TMC1: variants seen among roughly 807,000 people sequenced by gnomAD.
The protein encoded by TMC1 is transmembrane channel-like protein 1.
In TMC1, 84 loss-of-function variants were observed where a neutral mutation model predicts 105.8. The observed-to-expected ratio is 0.79, with a 90% CI of 0.67 to 0.95. The LOEUF is 0.95. Among genes scored for constraint, TMC1 ranks in the 40% least tolerant of loss-of-function variants. TMC1 has a pLI of 0.00. For missense variants in TMC1, 817 were observed against 914.1 expected, an observed-to-expected ratio of 0.89 and a Z score of 1.37; for synonymous variants, 315 against 311.5, an observed-to-expected ratio of 1.01 and a Z score of -0.12.
At chr9:72,570,676 C>CTT (rs529953890) in intron 1 of TMC1, among the ~76,000 whole-genome samples, 876 of 75,666 alleles carry the variant, frequency 0.012, 105 homozygotes, top group Admixed American at 0.025. Flanking sequence ...GCCAAATTTC[C>CTT]TTTTTTTTTT....
chr9:72,800,868 T>C lies in TMC1; in HGVS notation c.1567-4514T>C, dbSNP rs73647823. Among the ~76,000 whole-genome samples the C allele has an allele frequency of 3.6e-3, 543 of 152,208 alleles. 2 individuals carry two copies. Among genetic ancestry groups the C allele is most frequent in the African/African-American group, 0.012 (512 of 41,544 alleles). ...AATCTCTGGGAACAAAAAGAACATA[T>C]AGGACATAACAAATCTGAGTGCTGG... On this transcript the variant is annotated intron_variant, in intron 17 of 23. Coordinates refer to ENST00000297784, the MANE Select transcript of TMC1 (RefSeq NM_138691.3).
chr9:72,794,052 AG>A (rs1452910997), intron 17 of TMC1, among the ~76,000 whole-genome samples: 1 of 152,134 alleles, frequency 6.6e-6, no homozygotes, highest in South Asian at 2.1e-4. Context: ...AGAGAAGGCC[AG>A]TCTGTCTCTC....
chr9:72,678,225 G>A (rs77865716), intron 5 of TMC1, among the ~76,000 whole-genome samples: 4,665 of 152,142 alleles, frequency 0.031, 91 homozygotes, highest in Non-Finnish European at 0.048. Context: ...CATTTGACCC[G>A]TGTCTATTCA....
At chr9:72,528,800 T>A (rs966513268) in intron 1 of TMC1, among the ~76,000 whole-genome samples, 9 of 152,308 alleles carry the variant, frequency 5.9e-5, no homozygotes, top group Admixed American at 3.9e-4. Context: ...TGGTTGGGCT[T>A]GCAGACTGAC....
intron 18 of TMC1, among the ~76,000 whole-genome samples, chr9:72,811,433 G>A (rs904479154): frequency 1.3e-5 from 2 of 152,136 alleles, no homozygotes; most frequent in African/African-American, 4.8e-5. Context: ...TTCATGAGGA[G>A]TAGAATAGTT....
intron 23 of TMC1, 97 bp downstream of exon 23, chr9:72,830,779 T>A (rs1287324905): frequency 7.6e-6 from 8 of 1,051,284 alleles, no homozygotes; most frequent in Non-Finnish European, 1.1e-5. Context: ...GGATGGTGAG[T>A]GGCATTATTG....
chr9:72,745,614 A>G (rs565372496), intron 10 of TMC1, among the ~76,000 whole-genome samples: 2 of 152,284 alleles, frequency 1.3e-5, no homozygotes, highest in East Asian at 3.9e-4. Flanking sequence ...CTATAGTATT[A>G]GTTGAAAAAA....
chr9:72,784,644 G>A (rs1344913014), intron 13 of TMC1, among the ~76,000 whole-genome samples: 3 of 152,186 alleles, frequency 2.0e-5, no homozygotes, highest in Non-Finnish European at 4.4e-5. Context: ...GTACTCATAT[G>A]TTCACCACAG....
chr9:72,565,358 GA>G (rs145275143), intron 1 of TMC1, among the ~76,000 whole-genome samples: 5,541 of 152,262 alleles, frequency 0.036, 131 homozygotes, highest in Middle Eastern at 0.088. Context: ...AAGTAATTAT[GA>G]AGAGGTGTTT....
intron 1 of TMC1, among the ~76,000 whole-genome samples, chr9:72,537,068 C>A (rs1210046406): frequency 6.6e-6 from 1 of 152,228 alleles, no homozygotes; most frequent in Non-Finnish European, 1.5e-5. Context: ...TTACCACTTA[C>A]ACCCACCTAA....
chr9:72,527,137 A>G (rs1170690984), intron 1 of TMC1, among the ~76,000 whole-genome samples: 3 of 152,200 alleles, frequency 2.0e-5, no homozygotes, highest in East Asian at 3.8e-4. Context: ...TGAGCCCTCT[A>G]AAAGGCAGGG....
intron 2 of TMC1, among the ~76,000 whole-genome samples, chr9:72,579,418 C>CA (rs1002832738): frequency 6.6e-6 from 1 of 152,116 alleles, no homozygotes; most frequent in South Asian, 2.1e-4. Context: ...ACCCAGGCTC[C>CA]AAGCAAGCCT....
At chr9:72,802,250 C>T (rs907789057) in intron 17 of TMC1, among the ~76,000 whole-genome samples, 1 of 141,716 alleles carries the variant, frequency 7.1e-6, no homozygotes, top group African/African-American at 2.9e-5. Flanking sequence ...TACATACATA[C>T]ATATATACAT....
intron 1 of TMC1, among the ~76,000 whole-genome samples, chr9:72,526,879 G>A (rs1326859052): frequency 6.6e-6 from 1 of 152,222 alleles, no homozygotes. Context: ...TCCTTCCAGA[G>A]TTGTGCACAC....
intron 10 of TMC1, among the ~76,000 whole-genome samples, chr9:72,745,043 C>T (rs1194788352): frequency 1.3e-5 from 2 of 152,200 alleles, no homozygotes; most frequent in East Asian, 3.9e-4. Context: ...TTTTTCTTTC[C>T]ATATATAATT....
At chr9:72,631,313 G>T (rs1474838470) in intron 4 of TMC1, among the ~76,000 whole-genome samples, 1 of 152,162 alleles carries the variant, frequency 6.6e-6, no homozygotes, top group African/African-American at 2.4e-5. Flanking sequence ...GACAAGAAAA[G>T]ATGCATTATA....
At chr9:72,685,367 T>C (rs1165012277) in intron 5 of TMC1, among the ~76,000 whole-genome samples, 1 of 147,704 alleles carries the variant, frequency 6.8e-6, no homozygotes, top group Non-Finnish European at 1.5e-5. Context: ...TGGCCATTTT[T>C]TTTTTTTTTT....
chr9:72,578,546 C>G (rs1271912584), intron 2 of TMC1, among the ~76,000 whole-genome samples: 2 of 152,110 alleles, frequency 1.3e-5, no homozygotes, highest in African/African-American at 4.8e-5. Flanking sequence ...AGTTACAGAT[C>G]TTGGCAATGG....
chr9:72,656,199 T>C (rs1825882375), intron 5 of TMC1: 3 of 536,784 alleles, frequency 5.6e-6, no homozygotes, highest in Non-Finnish European at 1.1e-5. Context: ...CCATCACTGC[T>C]GCGCGGCTTC....
Sources: allele counts gnomAD v4.1 joint callset (sites outside exome capture counted in the v4.1 genomes callset), GRCh38; gene constraint gnomAD v4.1.1; transcripts MANE v1.5; gene names NCBI Gene and HGNC (gene_info 2026-07-23, HGNC 2026-07-21).